Variants in KCNQ3 observed in about 807,000 individuals in gnomAD.
KCNQ3 encodes the protein potassium voltage-gated channel subfamily Q member 3.
In KCNQ3, 30 loss-of-function variants were observed where a neutral mutation model predicts 92.5. That is an observed-to-expected ratio of 0.32 (90% CI 0.24 to 0.44). The LOEUF is 0.44. KCNQ3 is among the 20% of genes least tolerant of loss of function. The pLI is 1.00. For synonymous variants in KCNQ3, 450 were observed against 468.8 expected (o/e 0.96, Z 0.52); for missense variants, 913 against 1,140.3 (o/e 0.80, Z 2.87).
At chr8:132,402,283 A>T (rs1250343946) in intron 1 of KCNQ3, among the ~76,000 whole-genome samples, 2 of 152,026 alleles carry the variant, frequency 1.3e-5, no homozygotes. Flanking sequence ...ACTGGCCCCC[A>T]CTGCCCAGCC....
intron 1 of KCNQ3, among the ~76,000 whole-genome samples, chr8:132,386,035 G>C (rs796619860): frequency 2.2e-4 from 33 of 148,254 alleles, no homozygotes; most frequent in African/African-American, 6.4e-4. Flanking sequence ...GCCCTGGGAT[G>C]GGGGGATGGT....
At chr8:132,157,359 T>G (rs1347989944) in intron 9 of KCNQ3, among the ~76,000 whole-genome samples, 1 of 152,198 alleles carries the variant, frequency 6.6e-6, no homozygotes, top group Non-Finnish European at 1.5e-5. Flanking sequence ...TCAGAAGAAT[T>G]TGGAAGAAGC....
intron 1 of KCNQ3, among the ~76,000 whole-genome samples, chr8:132,473,909 T>A (rs1361953455): frequency 1.3e-5 from 2 of 152,192 alleles, no homozygotes; most frequent in Non-Finnish European, 2.9e-5. Flanking sequence ...AGCTGCTGGC[T>A]CCATGTGTCT....
At chr8:132,410,376 A>G (rs1472196025) in intron 1 of KCNQ3, among the ~76,000 whole-genome samples, 1 of 152,208 alleles carries the variant, frequency 6.6e-6, no homozygotes, top group African/African-American at 2.4e-5. Context: ...GAACAAGATA[A>G]TCCCTGAGCT....
chr8:132,263,906 G>A (rs542642975), intron 1 of KCNQ3, among the ~76,000 whole-genome samples: 18 of 152,142 alleles, frequency 1.2e-4, no homozygotes, highest in African/African-American at 4.1e-4. Context: ...GCCACCTCTT[G>A]TCTCACCCTG....
At chr8:132,176,302 G>A (rs926218728) in intron 4 of KCNQ3, among the ~76,000 whole-genome samples, 3 of 152,176 alleles carry the variant, frequency 2.0e-5, no homozygotes, top group African/African-American at 7.2e-5. Flanking sequence ...AAAGTGTTAA[G>A]TAATAGTCAG....
At chr8:132,166,015 C>T (rs1288970943) in intron 8 of KCNQ3, among the ~76,000 whole-genome samples, 3 of 152,162 alleles carry the variant, frequency 2.0e-5, no homozygotes, top group Non-Finnish European at 2.9e-5. Context: ...TGACCCTGGT[C>T]GTAAAAGGAA....
At chr8:132,273,029 C>T (rs932772766) in intron 1 of KCNQ3, among the ~76,000 whole-genome samples, 1 of 152,150 alleles carries the variant, frequency 6.6e-6, no homozygotes, top group East Asian at 1.9e-4. Flanking sequence ...GCCCACGGTG[C>T]AAGCTGTAGG....
chr8:132,328,068 CA>C (rs1818112022), intron 1 of KCNQ3, among the ~76,000 whole-genome samples: 1 of 152,182 alleles, frequency 6.6e-6, no homozygotes, highest in Non-Finnish European at 1.5e-5. Flanking sequence ...TGCAGTCACA[CA>C]GGATGGCTGG....
rs576746715 is a variant in KCNQ3 at position 132,210,655 on chromosome 8, G to T, written c.387-24474C>A. Among the ~76,000 whole-genome samples the T allele has an allele frequency of 1.5e-3, 232 of 152,318 alleles. 1 individual carries two copies. In the South Asian group the frequency reaches 0.022, roughly 15 times the overall value. Reference sequence around the variant, plus strand: ...TCTCATCAGAGGTTCGACTGGGGAAGAACCTACTTCGAAGTTCACTCAGGT... The same window carrying T: ...TCTCATCAGAGGTTCGACTGGGGAATAACCTACTTCGAAGTTCACTCAGGT... On this transcript the variant is annotated intron_variant, in intron 1 of 14. Transcript: ENST00000388996.
intron 1 of KCNQ3, among the ~76,000 whole-genome samples, chr8:132,195,418 C>T (rs924382523): frequency 5.9e-5 from 9 of 152,314 alleles, no homozygotes; most frequent in African/African-American, 2.2e-4. Context: ...CTGAGCCAGG[C>T]AATGGCAGAT....
At chr8:132,270,418 T>C (rs566511480) in intron 1 of KCNQ3, among the ~76,000 whole-genome samples, 4 of 152,242 alleles carry the variant, frequency 2.6e-5, no homozygotes, top group Non-Finnish European at 5.9e-5. Context: ...GCTGTCCTTC[T>C]AAGAACTGTG....
At chr8:132,225,893 C>A (rs1814399381) in intron 1 of KCNQ3, among the ~76,000 whole-genome samples, 2 of 152,174 alleles carry the variant, frequency 1.3e-5, no homozygotes, top group Admixed American at 1.3e-4. Flanking sequence ...CAAGGAGATT[C>A]AAGTGTCAGA....
At chr8:132,303,327 C>T (rs992938) in intron 1 of KCNQ3, among the ~76,000 whole-genome samples, 119,478 of 151,264 alleles carry the variant, frequency 0.79, 47,636 homozygotes, top group East Asian at 0.92. Flanking sequence ...AAAGACCTCA[C>T]GGTCTATTTA....
intron 7 of KCNQ3, 41 bp downstream of exon 7, chr8:132,172,557 G>A (rs924004617): frequency 6.5e-6 from 10 of 1,538,670 alleles, no homozygotes; most frequent in Non-Finnish European, 9.0e-6. Context: ...ACATATGCAT[G>A]GATCTTAATC....
At chr8:132,188,854 A>G (rs1827074917) in intron 1 of KCNQ3, among the ~76,000 whole-genome samples, 1 of 152,172 alleles carries the variant, frequency 6.6e-6, no homozygotes, top group Admixed American at 6.5e-5. Context: ...TTGGAAGGAA[A>G]TTCAAAGCTA....
chr8:132,137,736 G>T, intron 12 of KCNQ3, 149 bp downstream of exon 12: 1 of 972,342 alleles, frequency 1.0e-6, no homozygotes, highest in Non-Finnish European at 1.6e-6. Context: ...GTGCTTTGTT[G>T]GCCTAGACAT....
Position 132,129,688 on chromosome 8 carries a change from C to A in KCNQ3, c.2193G>T (p.Gln731His). 1 of 1,614,150 alleles carries A rather than the reference C, an allele frequency of 6.2e-7. No homozygotes were observed. The highest frequency in any genetic ancestry group is 8.5e-7 in the Non-Finnish European group (1 of 1,180,030). ...PRGGPSSGKV[Q>H]ATPPSSATTY... ...TTGTTGCTGAGGAAGGAGGAGTTGC[C>A]TGAACCTTTCCAGAACTGGGTCCCC... is the stretch of plus-strand genomic sequence containing the variant. Residue 731 changes from glutamine to histidine, a missense_variant, in exon 15 of 15, where the codon CAG (glutamine) becomes CAT (histidine). Physicochemically the swap from Gln to His is conservative, Grantham distance 24 (BLOSUM62 0). Around this residue, in one of 6 missense-constraint regions of KCNQ3, gnomAD observed 375 missense variants for 376.4 expected, o/e 1.00. Transcript: ENST00000388996. The surrounding 1 kb of genome is among the most constrained non-coding windows in gnomAD (Gnocchi z 5.9).
intron 1 of KCNQ3, among the ~76,000 whole-genome samples, chr8:132,372,053 C>T (rs1819484507): frequency 6.6e-6 from 1 of 152,180 alleles, no homozygotes. Context: ...CCAGGCCTTA[C>T]CCATCACTGC....
Sources: gnomAD v4.1 joint callset for allele counts (sites outside exome capture counted in the v4.1 genomes callset) on GRCh38, gnomAD v4.1.1 for gene constraint, gnomAD v4.1.1 regional missense constraint, Gnocchi (gnomAD v3.1) non-coding constraint, MANE v1.5 for transcripts, NCBI Gene and HGNC (gene_info 2026-07-23, HGNC 2026-07-21) for gene names.